ZBTB20: variants seen among roughly 807,000 people sequenced by gnomAD.
ZBTB20 encodes zinc finger and BTB domain-containing protein 20.
In ZBTB20, 9 loss-of-function variants were observed where a neutral mutation model predicts 56.9. The observed-to-expected ratio is 0.16, with a 90% confidence interval of 0.10 to 0.28. The LOEUF (loss-of-function observed/expected upper bound fraction) is 0.28. Ranked by LOEUF, ZBTB20 falls within the 10% of genes least tolerant of loss-of-function variation. The pLI is 1.00. For missense variants in ZBTB20, 655 were observed against 1,003.0 expected (o/e 0.65, Z 4.69); for synonymous variants, 417 against 420.7 (o/e 0.99, Z 0.11).
At chr3:114,550,590 TG>T (rs923266717) in intron 6 of ZBTB20, among the ~76,000 whole-genome samples, 12 of 152,172 alleles carry the variant, frequency 7.9e-5, no homozygotes, top group African/African-American at 2.7e-4. Context: ...TAATGCTTTT[TG>T]GGGGGTTGTC....
intron 6 of ZBTB20, among the ~76,000 whole-genome samples, chr3:114,640,583 G>T (rs867809476): frequency 1.3e-5 from 2 of 151,932 alleles, no homozygotes; most frequent in Admixed American, 6.6e-5. Flanking sequence ...AGTTCCAATG[G>T]CCCAGTCACA....
chr3:114,561,887 A>G (rs1325817858), intron 6 of ZBTB20, among the ~76,000 whole-genome samples: 1 of 152,082 alleles, frequency 6.6e-6, no homozygotes, highest in Non-Finnish European at 1.5e-5. Context: ...CCTTCCAAGT[A>G]GAAGACTATT....
intron 7 of ZBTB20, among the ~76,000 whole-genome samples, chr3:114,449,131 G>A (rs1439650728): frequency 1.3e-5 from 2 of 151,746 alleles, no homozygotes; most frequent in East Asian, 1.9e-4. Context: ...TTTAAAGCAC[G>A]AAAAGAAAAA....
chr3:114,839,838 G>T (rs116709880), intron 4 of ZBTB20, among the ~76,000 whole-genome samples: 58 of 152,290 alleles, frequency 3.8e-4, no homozygotes, highest in Non-Finnish European at 6.9e-4. Flanking sequence ...GGAACCTCTG[G>T]AGCCACCAGA....
At position 114,332,652 on chromosome 3, in the gene ZBTB20, A is replaced by G. The variant is rs1021078530; in HGVS notation, c.*6353T>C. The G allele has an allele frequency of 6.6e-6, 1 of 152,228 alleles. No individual in the cohort carries two copies. Among genetic ancestry groups the G allele is most frequent in the Non-Finnish European group, 1.5e-5 (1 of 68,034 alleles). 9.4% of individuals were successfully genotyped at this position (152,228 alleles called of 1,614,324 possible). On this transcript the variant is annotated 3_prime_UTR_variant, in exon 12 of 12. Transcript: ENST00000675478. ...AACTATTAAACAGCAAGAAATGCCT[A>G]TAACTTCAGAGCCTTCTCATTTCTA...
intron 1 of ZBTB20, among the ~76,000 whole-genome samples, chr3:115,094,136 C>A (rs191644908): frequency 6.6e-6 from 1 of 152,030 alleles, no homozygotes; most frequent in African/African-American, 2.4e-5. Flanking sequence ...GGATAAAGAT[C>A]ACTGTTGATT....
chr3:114,447,574 A>T (rs1194190305), intron 7 of ZBTB20, among the ~76,000 whole-genome samples: 1 of 152,182 alleles, frequency 6.6e-6, no homozygotes, highest in Non-Finnish European at 1.5e-5. Flanking sequence ...TTCAGAACAA[A>T]TGCTTCATGT....
chr3:114,511,030 G>A (rs2045312247), intron 6 of ZBTB20, among the ~76,000 whole-genome samples: 3 of 151,320 alleles, frequency 2.0e-5, no homozygotes, highest in African/African-American at 7.3e-5. Flanking sequence ...ATGGTGGTGG[G>A]TGATTTAATG....
intron 6 of ZBTB20, among the ~76,000 whole-genome samples, chr3:114,656,608 C>A (rs2108040836): frequency 6.6e-6 from 1 of 152,142 alleles, no homozygotes; most frequent in East Asian, 1.9e-4. Context: ...TTTCTTCTGC[C>A]ATCTACAATC....
chr3:114,981,042 T>C (rs985381730), intron 2 of ZBTB20, among the ~76,000 whole-genome samples: 5 of 152,066 alleles, frequency 3.3e-5, no homozygotes, highest in African/African-American at 1.2e-4. Context: ...AGGATGGCTC[T>C]TGAACTTTTG....
intron 6 of ZBTB20, among the ~76,000 whole-genome samples, chr3:114,603,266 T>C (rs951002691): frequency 3.3e-5 from 5 of 152,020 alleles, no homozygotes; most frequent in African/African-American, 1.2e-4. Flanking sequence ...TTGTATTGTA[T>C]TCTACTGGCA....
At position 114,338,796 on chromosome 3, in the gene ZBTB20, CTA is replaced by C; in HGVS notation, c.*207_*208del. 2.0e-6 allele frequency: 1 copy of C among 504,430 alleles called. No homozygotes were observed. Among genetic ancestry groups the C allele is most frequent in the East Asian group, 3.3e-5 (1 of 30,072 alleles). 31.2% of individuals were successfully genotyped at this position (504,430 alleles called of 1,614,324 possible). ...CACCATCCGAGGGAGACTGGGAAAA[CTA>C]TTATTCACCCAAGCCTCCGGAAATG... On this transcript the variant is annotated 3_prime_UTR_variant, in exon 12 of 12. Coordinates refer to ENST00000675478, the MANE Select transcript of ZBTB20 (RefSeq NM_001348800.3).
At chr3:114,541,643 C>T (rs1486301549) in intron 6 of ZBTB20, among the ~76,000 whole-genome samples, 1 of 152,130 alleles carries the variant, frequency 6.6e-6, no homozygotes, top group African/African-American at 2.4e-5. Flanking sequence ...ACCAAACAAC[C>T]TGTGGACTGT....
At chr3:114,496,906 G>A (rs1164636962) in intron 7 of ZBTB20, among the ~76,000 whole-genome samples, 1 of 152,182 alleles carries the variant, frequency 6.6e-6, no homozygotes, top group African/African-American at 2.4e-5. Context: ...CTCCTTATCT[G>A]CCTGCTCCTC....
At chr3:114,342,719 C>T (rs1289721613) in intron 11 of ZBTB20, among the ~76,000 whole-genome samples, 2 of 152,026 alleles carry the variant, frequency 1.3e-5, no homozygotes, top group South Asian at 4.1e-4. Flanking sequence ...CACAAAGGAA[C>T]CAAGGATAAA....
intron 4 of ZBTB20, among the ~76,000 whole-genome samples, chr3:114,883,172 T>A (rs2107595777): frequency 6.6e-6 from 1 of 152,338 alleles, no homozygotes; most frequent in Admixed American, 6.5e-5. Flanking sequence ...AAATATCAAT[T>A]TTGAGCACCT....
At chr3:114,622,557 A>G (rs1157667521) in intron 6 of ZBTB20, among the ~76,000 whole-genome samples, 1 of 152,196 alleles carries the variant, frequency 6.6e-6, no homozygotes, top group Non-Finnish European at 1.5e-5. Context: ...GAGGCCACTG[A>G]CAAACCTGAT....
chr3:114,449,017 T>C (rs1169899131), intron 7 of ZBTB20, among the ~76,000 whole-genome samples: 2 of 151,792 alleles, frequency 1.3e-5, no homozygotes, highest in Admixed American at 1.3e-4. Context: ...AATTCAAACT[T>C]TGAGCATTAT....
intron 7 of ZBTB20, among the ~76,000 whole-genome samples, chr3:114,486,685 C>A (rs1288061372): frequency 6.6e-6 from 1 of 152,166 alleles, no homozygotes. Flanking sequence ...ACCTTTCACT[C>A]ATGTTCTTTC....
Sources: gnomAD v4.1 joint callset for allele counts (sites outside exome capture counted in the v4.1 genomes callset) on GRCh38, gnomAD v4.1.1 for gene constraint, MANE v1.5 for transcripts, NCBI Gene and HGNC (gene_info 2026-07-23, HGNC 2026-07-21) for gene names.